The following TYRO3 variants were observed in gnomAD, a reference collection of about 807,000 sequenced individuals.
TYRO3 encodes the protein tyrosine-protein kinase receptor TYRO3.
TYRO3 carries 38 observed loss-of-function variants against 95.2 expected under a neutral mutation model. The observed-to-expected ratio is 0.40, with a 90% CI of 0.31 to 0.52. TYRO3 has a LOEUF of 0.52. Among genes scored for constraint, TYRO3 ranks in the 20% least tolerant of loss-of-function variants. TYRO3 has a pLI of 0.56. For synonymous variants in TYRO3, 367 were observed against 432.9 expected, an observed-to-expected ratio of 0.85 and a Z score of 1.89; for missense variants, 812 against 1,116.4, an observed-to-expected ratio of 0.73 and a Z score of 3.89.
chr15:41,572,531 C>T lies in TYRO3; in HGVS notation c.1842C>T (p.Phe614=). ...TGAAGCATGGGGACCTGCATGCCTT[C>T]CTGCTCGCCTCCCGGATTGGGGAGA... ...PFMKHGDLHA[F]LLASRIGENP... The change falls in exon 15 of 19, where the codon TTC becomes TTT. Residue 614 remains phenylalanine, a synonymous_variant. Transcript: ENST00000263798. 3 of 1,614,210 alleles carry T rather than the reference C, an allele frequency of 1.9e-6. No homozygotes were observed. Among genetic ancestry groups the T allele is most frequent in the Non-Finnish European group, 2.5e-6 (3 of 1,180,038 alleles).
At chr15:41,569,238 G>T (rs1355935666) in intron 9 of TYRO3, among the ~76,000 whole-genome samples, 1 of 151,346 alleles carries the variant, frequency 6.6e-6, no homozygotes, top group African/African-American at 2.4e-5. Flanking sequence ...GATCGCTTGA[G>T]GCCGGCAGTT....
intron 1 of TYRO3, 31 bp downstream of exon 1, chr15:41,559,412 CG>C: frequency 2.6e-5 from 4 of 151,218 alleles, no homozygotes; most frequent in East Asian, 9.9e-5. Context: ...CGGCGGGAAG[CG>C]GGGGGCTGCG....
Position 41,581,315 on chromosome 15 carries a change from T to C in TYRO3, c.*3039T>C, listed in dbSNP as rs1160956434. 1 of 153,596 alleles carries C rather than the reference T, an allele frequency of 6.5e-6. No homozygotes were observed. The highest frequency in any genetic ancestry group is 6.5e-5 in the Admixed American group (1 of 15,278). The allele number at this position is 153,596 out of a possible 1,614,324, so 9.5% of individuals were successfully genotyped here. ...CTGGGAGGGCCCACAGGTATTGTGCTGCTTCTGGCTGAGGGCAGGGGAATA... is the reference window on the plus strand; with the variant it reads ...CTGGGAGGGCCCACAGGTATTGTGCCGCTTCTGGCTGAGGGCAGGGGAATA... On this transcript the variant is annotated 3_prime_UTR_variant, in exon 19 of 19. Coordinates refer to ENST00000263798, the MANE Select transcript of TYRO3 (RefSeq NM_006293.4).
rs999211651 is a variant in TYRO3 at position 41,582,244 on chromosome 15, G to A, written c.*3968G>A. On this transcript the variant is annotated 3_prime_UTR_variant, in exon 19 of 19. Transcript: ENST00000263798. ...AAAGAGGCAAGAATGGCCGGGCATG[G>A]TGGCTCACACCCGTAATCCCAGCGC... 6.6e-6 allele frequency: 1 copy of A among 152,218 alleles called. No homozygotes were observed. Among genetic ancestry groups the A allele is most frequent in the Non-Finnish European group, 1.5e-5 (1 of 68,064 alleles). The allele number at this position is 152,218 out of a possible 1,614,324, so 9.4% of individuals were successfully genotyped here.
At chr15:41,561,999 A>G (rs938384618) in intron 3 of TYRO3, 11 of 203,852 alleles carry the variant, frequency 5.4e-5, no homozygotes. Context: ...TGTTCAGCCC[A>G]GGAAAACAAA....
At chr15:41,561,434 C>T (rs759172149) in intron 2 of TYRO3, 105 bp from the exon 3 acceptor site, 17 of 1,409,790 alleles carry the variant, frequency 1.2e-5, no homozygotes, top group Admixed American at 7.0e-5. Flanking sequence ...TATTTGGCTA[C>T]CTGTGGGACC....
Position 41,570,164 on chromosome 15 carries a change from G to C in TYRO3, c.1382+8G>C. 1.0e-6 allele frequency: 1 copy of C among 983,180 alleles called. No homozygotes were observed. The highest frequency in any genetic ancestry group is 1.5e-6 in the Non-Finnish European group (1 of 648,102). The allele number at this position is 983,180 out of a possible 1,614,324, so 60.9% of individuals were successfully genotyped here. On this transcript the variant is annotated splice_region_variant and intron_variant, in intron 10 of 18. Coordinates refer to ENST00000263798, the MANE Select transcript of TYRO3 (RefSeq NM_006293.4). ...GAAAGAGACGCGGTTTGGGTAAGGG[G>C]ATGGGGATGTGGAGGGAGAGGCAGG...
intron 1 of TYRO3, among the ~76,000 whole-genome samples, chr15:41,560,388 C>CGTGTGTGTGTGTGTGT (rs1177291795): frequency 2.2e-4 from 16 of 72,032 alleles, no homozygotes; most frequent in Admixed American, 5.9e-4. Context: ...AGGAGAGGTG[C>CGTGTGTGTGTGTGTGT]GTGTATGTGT....
intron 5 of TYRO3, among the ~76,000 whole-genome samples, chr15:41,564,558 T>C (rs1158506231): frequency 1.3e-5 from 2 of 152,038 alleles, no homozygotes; most frequent in Non-Finnish European, 2.9e-5. Flanking sequence ...TCAAGGCCCA[T>C]GCCCAGCCTT....
intron 4 of TYRO3, among the ~76,000 whole-genome samples, chr15:41,563,640 C>A (rs1383301193): frequency 6.6e-6 from 1 of 152,200 alleles, no homozygotes; most frequent in Non-Finnish European, 1.5e-5. Context: ...TGAACTCCTA[C>A]TCCACACCAC....
chr15:41,573,262 G>T lies in TYRO3; in HGVS notation c.1986-46G>T, dbSNP rs138408027. The T allele has an allele frequency of 2.1e-4, 335 of 1,610,830 alleles. 2 individuals carry two copies. In the African/African-American group the frequency reaches 4.1e-3, roughly 20 times the overall value. On this transcript the variant is annotated intron_variant, in intron 16 of 18. Coordinates refer to ENST00000263798, the MANE Select transcript of TYRO3 (RefSeq NM_006293.4). ...AAGATGTCCTGGCTCTTGTGGGCCTGTGAGCATGGCAGAAGGCTGACTCTC... is the reference window on the plus strand; with the variant it reads ...AAGATGTCCTGGCTCTTGTGGGCCTTTGAGCATGGCAGAAGGCTGACTCTC...
At chr15:41,560,768 G>A (rs2055642602) in intron 1 of TYRO3, among the ~76,000 whole-genome samples, 1 of 152,200 alleles carries the variant, frequency 6.6e-6, no homozygotes, top group Non-Finnish European at 1.5e-5. Context: ...TGGGTGGAGA[G>A]CTGGCAGCCT....
chr15:41,579,217 T>G lies in TYRO3; in HGVS notation c.*941T>G, dbSNP rs1216708334. The G allele has an allele frequency of 6.6e-6, 1 of 152,346 alleles. No individual in the cohort carries two copies. Among genetic ancestry groups the G allele is most frequent in the Non-Finnish European group, 1.5e-5 (1 of 68,184 alleles). 9.4% of individuals were successfully genotyped at this position (152,346 alleles called of 1,614,324 possible). ...CTGATGAGGGGGAATTCCTGGAACCTGGACCCCAGCCTTGGTGGGGGAGCC... is the reference window on the plus strand; with the variant it reads ...CTGATGAGGGGGAATTCCTGGAACCGGGACCCCAGCCTTGGTGGGGGAGCC... On this transcript the variant is annotated 3_prime_UTR_variant, in exon 19 of 19. Coordinates refer to ENST00000263798, the MANE Select transcript of TYRO3 (RefSeq NM_006293.4).
At chr15:41,561,510 G>T in intron 2 of TYRO3, 29 bp from the exon 3 acceptor site, 1 of 1,313,624 alleles carries the variant, frequency 7.6e-7, no homozygotes. Flanking sequence ...CTTGCCCTCG[G>T]AAGCAAGCCT....
At chr15:41,561,007 A>G in intron 1 of TYRO3, 120 bp from the exon 2 acceptor site, 1 of 1,261,682 alleles carries the variant, frequency 7.9e-7, no homozygotes, top group South Asian at 1.3e-5. Context: ...TGCTTCCTTG[A>G]CTTTGGCTGA....
rs775248413 is a variant in TYRO3, at chr15:41,573,331, G to A, written c.2009G>A (p.Cys670Tyr). Residue 670 changes from cysteine (C) to tyrosine (Y), a missense_variant, in exon 17 of 19, where the codon TGT (cysteine) becomes TAT (tyrosine). By Grantham distance (194) the Cys-to-Tyr change is radical. Coordinates refer to ENST00000263798, the MANE Select transcript of TYRO3 (RefSeq NM_006293.4). ...AGGCTGGCAGAGGACATGACAGTGT[G>A]TGTGGCTGACTTCGGACTCTCCCGG... ...NCMLAEDMTV[C>Y]VADFGLSRKI... 1.2e-6 allele frequency: 2 copies of A among 1,614,246 alleles called. No homozygotes were observed. Among genetic ancestry groups the A allele is most frequent in the East Asian group, 2.2e-5 (1 of 44,886 alleles).
chr15:41,577,855 C>T, intron 18 of TYRO3, 31 bp from the exon 19 acceptor site: 1 of 1,379,584 alleles, frequency 7.2e-7, no homozygotes, highest in Non-Finnish European at 9.8e-7. Context: ...GGAAGGGCTC[C>T]TGCCTTTTCT....
chr15:41,565,168 C>G, intron 6 of TYRO3, 27 bp downstream of exon 6: 1 of 1,435,032 alleles, frequency 7.0e-7, no homozygotes, highest in Non-Finnish European at 9.8e-7. Context: ...GGGCCATGCT[C>G]GTTCTGGCTG....
rs1270306588 is a variant in TYRO3, at chr15:41,578,154, C to T, written c.2551C>T (p.Leu851Phe). 1 of 1,613,954 alleles carries T rather than the reference C, an allele frequency of 6.2e-7. No individual in the cohort carries two copies. Among genetic ancestry groups the T allele is most frequent in the Non-Finnish European group, 8.5e-7 (1 of 1,180,030 alleles). Reference sequence around the variant, plus strand: ...CACTCCCAGTGACTGTCGGTACATACTCACCCCCGGAGGGCTGGCTGAGCA... The same window carrying T: ...CACTCCCAGTGACTGTCGGTACATATTCACCCCCGGAGGGCTGGCTGAGCA... ...GGTPSDCRYI[L>F]TPGGLAEQPG... Residue 851 changes from leucine to phenylalanine, a missense_variant, in exon 19 of 19, where the codon CTC becomes TTC. Physicochemically the swap from Leu to Phe is conservative, Grantham distance 22. Coordinates refer to ENST00000263798, the MANE Select transcript of TYRO3 (RefSeq NM_006293.4).
Sources: allele counts gnomAD v4.1 joint callset (sites outside exome capture counted in the v4.1 genomes callset), GRCh38; gene constraint gnomAD v4.1.1; transcripts MANE v1.5; gene names NCBI Gene and HGNC (gene_info 2026-07-23, HGNC 2026-07-21).